Variants in PCDHB11 observed in about 807,000 individuals in gnomAD.
PCDHB11 encodes the protein protocadherin beta-11.
For synonymous variants in PCDHB11, 522 were observed against 442.0 expected (o/e 1.18, Z -2.27); for missense variants, 1,151 against 1,003.4 (o/e 1.15, Z -1.99).
In PCDHB11 at chr5:141,201,466, G is replaced by T; in HGVS notation, c.1692G>T (p.Pro564=). Residue 564 remains proline (P), a synonymous_variant, in exon 1 of 1, where the codon CCG becomes CCT. Coordinates refer to ENST00000354757, the MANE Select transcript of PCDHB11 (RefSeq NM_018931.3). ...ACAACTCGCCCTTCGTGCTGTACCC[G>T]CTGCAGAACGGCTCCGCGCCCTGCA... ...ANDNSPFVLY[P]LQNGSAPCTE... 6.2e-7 allele frequency: 1 copy of T among 1,610,616 alleles called. No homozygotes were observed. Among genetic ancestry groups the T allele is most frequent in the Non-Finnish European group, 8.5e-7 (1 of 1,179,326 alleles).
At position 141,199,845 on chromosome 5, in the gene PCDHB11, C is replaced by T; in HGVS notation, c.71C>T (p.Ser24Phe). Residue 24 changes from serine (S) to phenylalanine (F), a missense_variant, in exon 1 of 1, where the codon TCT becomes TTT. Coordinates refer to ENST00000354757, the MANE Select transcript of PCDHB11 (RefSeq NM_018931.3). ...CTTCTCTTTGTTTTGCTCGGAATGT[C>T]TCAGGCGGGCTCTGAAACCTGGAGC... ...VLLLFVLLGMSQAGSETWSFS... is the reference protein window; with the variant it reads ...VLLLFVLLGMFQAGSETWSFS... 2 of 1,614,152 alleles carry T rather than the reference C, an allele frequency of 1.2e-6. No homozygotes were observed. The highest frequency in any genetic ancestry group is 1.7e-6 in the Non-Finnish European group (2 of 1,180,034).
At position 141,201,608 on chromosome 5, in the gene PCDHB11, C is replaced by T. The variant is rs1369168374; in HGVS notation, c.1834C>T (p.Pro612Ser). The T allele has an allele frequency of 1.8e-5, 29 of 1,608,106 alleles. No homozygotes were observed. The highest frequency in any genetic ancestry group is 2.4e-5 in the Non-Finnish European group (28 of 1,179,326). Residue 612 changes from proline (P) to serine (S), a missense_variant, in exon 1 of 1, where the codon CCC (proline) becomes TCC (serine). Pro to Ser is a moderately conservative substitution (Grantham distance 74). Coordinates refer to ENST00000354757, the MANE Select transcript of PCDHB11 (RefSeq NM_018931.3). ...LSYQLLKATE[P>S]GLFGVWAHNG... ...GTACCAGCTGCTCAAGGCCACGGAG[C>T]CCGGGCTATTCGGCGTGTGGGCGCA...
Position 141,201,431 on chromosome 5 carries a change from G to A in PCDHB11, c.1657G>A (p.Asp553Asn), listed in dbSNP as rs1754186696. The change falls in exon 1 of 1, where the codon GAC becomes AAC. Residue 553 changes from aspartate (D) to asparagine (N), a missense_variant. Physicochemically the swap from Asp to Asn is conservative, Grantham distance 23. Transcript: ENST00000354757. The stretch of plus-strand genomic sequence containing the variant: ...GGCGCTGGTGCGCGTGCTGGTGCTG[G>A]ACGCCAACGACAACTCGCCCTTCGT... Reference protein sequence around the residue: ...SEALVRVLVLDANDNSPFVLY... With the variant: ...SEALVRVLVLNANDNSPFVLY... 1 of 1,611,610 alleles carries A rather than the reference G, an allele frequency of 6.2e-7. No homozygotes were observed. Among genetic ancestry groups the A allele is most frequent in the African/African-American group, 1.3e-5 (1 of 74,876 alleles).
rs150158596 is a variant in PCDHB11, at chr5:141,201,838, C to T, written c.2064C>T (p.Val688=). 4.1e-5 allele frequency: 66 copies of T among 1,611,100 alleles called. No individual in the cohort carries two copies. In the African/African-American group the frequency reaches 6.8e-4, roughly 17 times the overall value. ...AGGCCCAGGCCGACTCGCTCACCGT[C>T]TACTTGGTGGTGGCGTTGGCCTCGG... ...PAQAQADSLT[V]YLVVALASVS... The change falls in exon 1 of 1, where the codon GTC becomes GTT. Residue 688 remains valine (V), a synonymous_variant. Transcript: ENST00000354757.
In PCDHB11 at chr5:141,203,408, C is replaced by T. The variant is rs1286230903; in HGVS notation, c.*1240C>T. On this transcript the variant is annotated 3_prime_UTR_variant, in exon 1 of 1. Transcript: ENST00000354757. ...CCTAGTATTTTTCACTGTCTGCATC[C>T]TATGATCCTAACCACCTGTGTATTG... The T allele has an allele frequency of 6.6e-6, 1 of 152,192 alleles. No homozygotes were observed. Among genetic ancestry groups the T allele is most frequent in the East Asian group, 1.9e-4 (1 of 5,196 alleles). The allele number at this position is 152,192 out of a possible 1,614,324, so 9.4% of individuals were successfully genotyped here. A position where few individuals can be genotyped will look rare whatever the true frequency, so the allele number is the denominator to read the frequency against.
At position 141,200,280 on chromosome 5, in the gene PCDHB11, G is replaced by T; in HGVS notation, c.506G>T (p.Ser169Ile). 6.2e-7 allele frequency: 1 copy of T among 1,614,164 alleles called. No homozygotes were observed. Among genetic ancestry groups the T allele is most frequent in the Non-Finnish European group, 8.5e-7 (1 of 1,180,026 alleles). ...DLDVGINAVK[S>I]YTISPNSHFH... Reference sequence around the variant, plus strand: ...GATGTAGGAATCAATGCTGTAAAAAGCTACACAATAAGCCCCAACTCTCAT... The same window carrying T: ...GATGTAGGAATCAATGCTGTAAAAATCTACACAATAAGCCCCAACTCTCAT... Residue 169 changes from serine (S) to isoleucine (I), a missense_variant, in exon 1 of 1, where the codon AGC becomes ATC. By Grantham distance (142) the Ser-to-Ile change is moderately radical (BLOSUM62 -2). Coordinates refer to ENST00000354757, the MANE Select transcript of PCDHB11 (RefSeq NM_018931.3).
In PCDHB11 at chr5:141,201,726, C is replaced by G. The variant is rs782498244; in HGVS notation, c.1952C>G (p.Pro651Arg). ...VVLVKDNGEP[P>R]RSATATLQVL... ...CTGGTCAAGGACAATGGCGAGCCTC[C>G]GCGCTCGGCCACCGCCACGCTGCAA... Residue 651 changes from proline to arginine, a missense_variant, in exon 1 of 1, where the codon CCG (proline) becomes CGG (arginine). Transcript: ENST00000354757. 5 of 1,607,456 alleles carry G rather than the reference C, an allele frequency of 3.1e-6. No individual in the cohort carries two copies. The highest frequency in any genetic ancestry group is 4.5e-5 in the East Asian group (2 of 44,870).
rs782268417 is a variant in PCDHB11 at position 141,200,922 on chromosome 5, G to T, written c.1148G>T (p.Cys383Phe). The T allele has an allele frequency of 1.2e-6, 2 of 1,614,038 alleles. No individual in the cohort carries two copies. The highest frequency in any genetic ancestry group is 2.7e-5 in the African/African-American group (2 of 74,924). The change falls in exon 1 of 1, where the codon TGT (cysteine) becomes TTT (phenylalanine). Residue 383 changes from cysteine (C) to phenylalanine (F), a missense_variant. Coordinates refer to ENST00000354757, the MANE Select transcript of PCDHB11 (RefSeq NM_018931.3). Reference protein sequence around the residue: ...IDSGDNGRIVCSIPEDLPFVL... With the variant: ...IDSGDNGRIVFSIPEDLPFVL... ...TCTGGGGACAACGGAAGAATTGTTT[G>T]TTCCATTCCGGAAGACCTCCCATTC...
Position 141,201,187 on chromosome 5 carries a change from C to G in PCDHB11, c.1413C>G (p.Gly471=). The part of the protein sequence containing the change: ...RENNSPALHI[G]SVSATDRDSG... Reference sequence around the variant, plus strand: ...ACAACAGCCCCGCCCTGCACATCGGCAGTGTCAGCGCTACAGACAGAGACT... The same window carrying G: ...ACAACAGCCCCGCCCTGCACATCGGGAGTGTCAGCGCTACAGACAGAGACT... The change falls in exon 1 of 1, where the codon GGC becomes GGG. Residue 471 remains glycine (G), a synonymous_variant. Coordinates refer to ENST00000354757, the MANE Select transcript of PCDHB11 (RefSeq NM_018931.3). 6.2e-7 allele frequency: 1 copy of G among 1,613,426 alleles called. No homozygotes were observed.
rs368365991 is a variant in PCDHB11 at position 141,200,744 on chromosome 5, G to T, written c.970G>T (p.Gly324Trp). Reference protein sequence around the residue: ...SYSIIIQATDGGGLFGKSTVI... With the variant: ...SYSIIIQATDWGGLFGKSTVI... ...CTCAATAATCATTCAAGCCACAGATGGGGGAGGACTTTTTGGAAAATCTAC... is the reference window on the plus strand; with the variant it reads ...CTCAATAATCATTCAAGCCACAGATTGGGGAGGACTTTTTGGAAAATCTAC... The change falls in exon 1 of 1, where the codon GGG becomes TGG. Residue 324 changes from glycine to tryptophan, a missense_variant. By Grantham distance (184) the Gly-to-Trp change is radical (BLOSUM62 -2). Coordinates refer to ENST00000354757, the MANE Select transcript of PCDHB11 (RefSeq NM_018931.3). 1.2e-5 allele frequency: 19 copies of T among 1,614,160 alleles called. No homozygotes were observed. The African/African-American group carries it at 2.3e-4, about 19-fold the overall frequency.
rs1554285116 is a variant in PCDHB11, at chr5:141,199,736, G to T, written c.-39G>T. On this transcript the variant is annotated 5_prime_UTR_variant, in exon 1 of 1. Coordinates refer to ENST00000354757, the MANE Select transcript of PCDHB11 (RefSeq NM_018931.3). Reference sequence around the variant, plus strand: ...ACAAGTCAGAGACGCGTTCCGCAGAGCTGAAGCCTTTCTTCAAGAAGCCTA... The same window carrying T: ...ACAAGTCAGAGACGCGTTCCGCAGATCTGAAGCCTTTCTTCAAGAAGCCTA... 3.2e-6 allele frequency: 5 copies of T among 1,576,078 alleles called. No homozygotes were observed. Among genetic ancestry groups the T allele is most frequent in the Non-Finnish European group, 3.5e-6 (4 of 1,152,762 alleles).
In PCDHB11 at chr5:141,200,360, C is replaced by T. The variant is rs1358552480; in HGVS notation, c.586C>T (p.Leu196=). 8.7e-6 allele frequency: 14 copies of T among 1,614,028 alleles called. No individual in the cohort carries two copies. The South Asian group carries it at 8.8e-5, about 10-fold the overall frequency. ...PDNRKYPELV[L]DKALDYEELP... ...CAATAGGAAATACCCCGAGTTAGTTCTGGACAAGGCGCTGGATTATGAAGA... is the reference window on the plus strand; with the variant it reads ...CAATAGGAAATACCCCGAGTTAGTTTTGGACAAGGCGCTGGATTATGAAGA... Residue 196 remains leucine (L), a synonymous_variant, in exon 1 of 1, where the codon CTG becomes TTG. Coordinates refer to ENST00000354757, the MANE Select transcript of PCDHB11 (RefSeq NM_018931.3).
rs1754235505 is a variant in PCDHB11 at position 141,202,704 on chromosome 5, C to T, written c.*536C>T. ...CTCAGCTCACTGCAACCTCTGCCTC[C>T]TGGGCTCAAGAGACCAGCCCACCTC... On this transcript the variant is annotated 3_prime_UTR_variant, in exon 1 of 1. Coordinates refer to ENST00000354757, the MANE Select transcript of PCDHB11 (RefSeq NM_018931.3). The T allele has an allele frequency of 6.6e-6, 1 of 152,234 alleles. No homozygotes were observed. Among genetic ancestry groups the T allele is most frequent in the South Asian group, 2.1e-4 (1 of 4,824 alleles). The allele number at this position is 152,234 out of a possible 1,614,324, so 9.4% of individuals were successfully genotyped here.
chr5:141,200,407 C>T lies in PCDHB11; in HGVS notation c.633C>T (p.Ile211=). The T allele has an allele frequency of 6.2e-7, 1 of 1,614,186 alleles. No homozygotes were observed. The highest frequency in any genetic ancestry group is 8.5e-7 in the Non-Finnish European group (1 of 1,180,040). The change falls in exon 1 of 1, where the codon ATC becomes ATT. Residue 211 remains isoleucine (I), a synonymous_variant. Coordinates refer to ENST00000354757, the MANE Select transcript of PCDHB11 (RefSeq NM_018931.3). ...DYEELPELSF[I]LSALDGGSPP... ...AAGAGCTCCCGGAGCTCAGTTTCATCCTCTCTGCTCTGGATGGTGGGTCCC... is the reference window on the plus strand; with the variant it reads ...AAGAGCTCCCGGAGCTCAGTTTCATTCTCTCTGCTCTGGATGGTGGGTCCC...
At position 141,201,298 on chromosome 5, in the gene PCDHB11, A is replaced by G. The variant is rs368810037; in HGVS notation, c.1524A>G (p.Thr508=). 2.9e-4 allele frequency: 471 copies of G among 1,613,628 alleles called. 3 individuals are homozygous for G. The highest frequency in any genetic ancestry group is 3.6e-4 in the Non-Finnish European group (429 of 1,180,038). ...LPLASLVSIN[T]DNGHLFALRS... is the part of the protein sequence containing the mutation. ...TCGCCTCCCTGGTCTCCATCAACAC[A>G]GACAACGGCCACCTGTTCGCCCTCA... is the stretch of plus-strand genomic sequence containing the variant. The change falls in exon 1 of 1, where the codon ACA becomes ACG. Residue 508 remains threonine (T), a synonymous_variant. Coordinates refer to ENST00000354757, the MANE Select transcript of PCDHB11 (RefSeq NM_018931.3).
At position 141,201,246 on chromosome 5, in the gene PCDHB11, T is replaced by C. The variant is rs1469964035; in HGVS notation, c.1472T>C (p.Leu491Pro). The change falls in exon 1 of 1, where the codon CTC becomes CCC. Residue 491 changes from leucine to proline, a missense_variant. By Grantham distance (98) the Leu-to-Pro change is moderately conservative. Transcript: ENST00000354757. Reference protein sequence around the residue: ...GTNAQVNYSLLPPQDLHLPLA... With the variant: ...GTNAQVNYSLPPPQDLHLPLA... ...AACGCCCAGGTCAACTACTCGCTAC[T>C]CCCGCCCCAGGACCTGCACCTGCCC... is the stretch of plus-strand genomic sequence containing the variant. 6.2e-7 allele frequency: 1 copy of C among 1,613,010 alleles called. No individual in the cohort carries two copies. The highest frequency in any genetic ancestry group is 1.3e-5 in the African/African-American group (1 of 74,872).
At position 141,200,385 on chromosome 5, in the gene PCDHB11, A is replaced by T. The variant is rs782703672; in HGVS notation, c.611A>T (p.Glu204Val). 6.2e-7 allele frequency: 1 copy of T among 1,614,156 alleles called. No homozygotes were observed. Among genetic ancestry groups the T allele is most frequent in the African/African-American group, 1.3e-5 (1 of 75,040 alleles). Residue 204 changes from glutamate (E) to valine (V), a missense_variant, in exon 1 of 1, where the codon GAG becomes GTG. Transcript: ENST00000354757. Reference protein sequence around the residue: ...LVLDKALDYEELPELSFILSA... With the variant: ...LVLDKALDYEVLPELSFILSA... ...CTGGACAAGGCGCTGGATTATGAAG[A>T]GCTCCCGGAGCTCAGTTTCATCCTC... is the stretch of plus-strand genomic sequence containing the variant.
chr5:141,201,198 CTA>C lies in PCDHB11; in HGVS notation c.1425_1426del (p.Thr476ArgfsTer199). ...GCCCTGCACATCGGCAGTGTCAGCGCTACAGACAGAGACTCAGGCACCAACGC... is the reference window on the plus strand; with the variant it reads ...GCCCTGCACATCGGCAGTGTCAGCGCCAGACAGAGACTCAGGCACCAACGC... On this transcript the variant is annotated frameshift_variant, in exon 1 of 1. Transcript: ENST00000354757. LOFTEE classifies it low-confidence loss of function (END_TRUNC). 6.2e-7 allele frequency: 1 copy of C among 1,613,352 alleles called. No homozygotes were observed. The highest frequency in any genetic ancestry group is 8.5e-7 in the Non-Finnish European group (1 of 1,180,026).
rs1563963431 is a variant in PCDHB11, at chr5:141,200,035, TG to T, written c.262del (p.Glu88LysfsTer3). ...TAAACACTGGGGATTTGCTCTTAAG[TG>T]AAACACTAGACAGGGAGGAGCTCTG... ...DINTGDLLLSETLDREELCGS... is the reference protein window; with the variant it reads ...DINTGDLLLSXTLDREELCGS... On this transcript the variant is annotated frameshift_variant, in exon 1 of 1. Coordinates refer to ENST00000354757, the MANE Select transcript of PCDHB11 (RefSeq NM_018931.3). LOFTEE classifies it low-confidence loss of function (END_TRUNC). The T allele has an allele frequency of 6.2e-7, 1 of 1,614,098 alleles. No individual in the cohort carries two copies. Among genetic ancestry groups the T allele is most frequent in the South Asian group, 1.1e-5 (1 of 91,074 alleles).
Sources: allele counts gnomAD v4.1 joint callset, GRCh38; gene constraint gnomAD v4.1.1; transcripts MANE v1.5; gene names NCBI Gene and HGNC (gene_info 2026-07-23, HGNC 2026-07-21).